RBL1: variants seen among roughly 807,000 people sequenced by gnomAD.
RBL1 encodes the protein retinoblastoma-like protein 1.
A neutral mutation model predicts 123.0 loss-of-function variants in RBL1; 82 were observed. The observed-to-expected ratio is 0.67, with a 90% CI of 0.56 to 0.80. The LOEUF (loss-of-function observed/expected upper bound fraction) is 0.80, where lower values mean the gene tolerates loss of function less well. Ranked by LOEUF, RBL1 falls within the 30% of genes least tolerant of loss-of-function variation. The pLI is 0.00. For synonymous variants in RBL1, 405 were observed against 441.3 expected, an observed-to-expected ratio of 0.92 and a Z score of 1.03; for missense variants, 1,171 against 1,299.6, an observed-to-expected ratio of 0.90 and a Z score of 1.52.
intron 14 of RBL1, among the ~76,000 whole-genome samples, chr20:37,038,548 C>T (rs1285996790): frequency 6.6e-6 from 1 of 150,472 alleles, no homozygotes; most frequent in Non-Finnish European, 1.5e-5. Context: ...ATTGACCTGC[C>T]TCAGCCTCCC....
chr20:37,055,478 A>C, intron 11 of RBL1, 75 bp downstream of exon 11: 1 of 1,605,410 alleles, frequency 6.2e-7, no homozygotes, highest in East Asian at 2.2e-5. Flanking sequence ...ACAACGCCTT[A>C]CAGAGCCTCT....
At chr20:37,004,765 C>G in intron 20 of RBL1, among the ~76,000 whole-genome samples, 1 of 148,984 alleles carries the variant, frequency 6.7e-6, no homozygotes, top group South Asian at 2.1e-4. Context: ...CAGTGGCTCA[C>G]TCCTATAATC....
intron 15 of RBL1, 147 bp from the exon 16 acceptor site, chr20:37,033,023 T>C: frequency 8.3e-7 from 1 of 1,210,518 alleles, no homozygotes; most frequent in South Asian, 1.8e-5. Flanking sequence ...GAATTCTTTT[T>C]TTTTTTTTTT....
At chr20:37,032,026 G>A (rs138711061) in intron 16 of RBL1, among the ~76,000 whole-genome samples, 36 of 151,704 alleles carry the variant, frequency 2.4e-4, no homozygotes, top group African/African-American at 8.2e-4. Context: ...GGGTTTACAG[G>A]CATGAGCAAC....
intron 19 of RBL1, among the ~76,000 whole-genome samples, chr20:37,017,022 G>A (rs753159543): frequency 1.8e-4 from 28 of 151,924 alleles, no homozygotes; most frequent in Non-Finnish European, 2.9e-4. Flanking sequence ...GACGAGACAA[G>A]ACGAGACAAG....
At chr20:37,009,936 G>T (rs2064126096) in intron 19 of RBL1, among the ~76,000 whole-genome samples, 1 of 151,992 alleles carries the variant, frequency 6.6e-6, no homozygotes, top group East Asian at 1.9e-4. Context: ...GAGATGACAG[G>T]ATCGCTTGAA....
At chr20:37,083,620 A>C (rs2065490680) in intron 2 of RBL1, among the ~76,000 whole-genome samples, 1 of 134,856 alleles carries the variant, frequency 7.4e-6, no homozygotes, top group South Asian at 2.5e-4. Flanking sequence ...CCCCGTCTCT[A>C]CTAAAAATAC....
intron 1 of RBL1, among the ~76,000 whole-genome samples, chr20:37,092,395 T>C (rs1302231514): frequency 6.6e-6 from 1 of 151,940 alleles, no homozygotes; most frequent in African/African-American, 2.4e-5. Flanking sequence ...TGGAGTGCAG[T>C]GGTACAATCA....
Position 36,998,788 on chromosome 20 carries a change from C to T in RBL1, c.3178G>A (p.Asp1060Asn). ...TGATTTGCTCTTTCACTGACAACATCCTGTAGTCGTTTCAGTAAAACGTCA... is the reference window on the plus strand; with the variant it reads ...TGATTTGCTCTTTCACTGACAACATTCTGTAGTCGTTTCAGTAAAACGTCA... The part of the protein sequence containing the change: ...NDDVLLKRLQ[D>N]VVSERANH Residue 1060 changes from aspartate (D) to asparagine (N), a missense_variant, in exon 22 of 22, where the codon GAT (aspartate) becomes AAT (asparagine). Physicochemically the swap from Asp to Asn is conservative, Grantham distance 23. Transcript: ENST00000373664. 6.2e-7 allele frequency: 1 copy of T among 1,613,176 alleles called. No homozygotes were observed. Among genetic ancestry groups the T allele is most frequent in the Non-Finnish European group, 8.5e-7 (1 of 1,179,656 alleles).
At chr20:37,023,649 T>G (rs773620386) in intron 16 of RBL1, among the ~76,000 whole-genome samples, 2 of 152,330 alleles carry the variant, frequency 1.3e-5, no homozygotes, top group East Asian at 1.9e-4. Context: ...AGTTGTTGTT[T>G]TTTTTAAAGC....
intron 12 of RBL1, among the ~76,000 whole-genome samples, chr20:37,046,668 T>C (rs190843372): frequency 1.0e-3 from 155 of 151,852 alleles, no homozygotes; most frequent in Middle Eastern, 3.4e-3. Flanking sequence ...AGTGTAATTG[T>C]ATGATCTCCG....
intron 2 of RBL1, among the ~76,000 whole-genome samples, chr20:37,071,217 A>G (rs1040813979): frequency 1.4e-4 from 22 of 152,154 alleles, no homozygotes; most frequent in African/African-American, 5.3e-4. Context: ...TATTTCATGT[A>G]GATTGGAAAG....
rs889019411 is a variant in RBL1, at chr20:37,052,063, C to T, written c.1467+3490G>A. The stretch of plus-strand genomic sequence containing the variant: ...GTTTTTTTTTTTTTAGATAGAGTCT[C>T]GCTCTGTTGCCCAGGCTGGAGTGCA... On this transcript the variant is annotated intron_variant, in intron 11 of 21. Transcript: ENST00000373664. Among the ~76,000 whole-genome samples the T allele has an allele frequency of 9.9e-5, 15 of 151,026 alleles. 1 individual carries two copies. The highest frequency in any genetic ancestry group is 4.0e-4 in the Admixed American group (6 of 15,136).
intron 14 of RBL1, among the ~76,000 whole-genome samples, chr20:37,038,691 C>T (rs977467281): frequency 2.0e-5 from 3 of 150,374 alleles, no homozygotes; most frequent in Non-Finnish European, 4.4e-5. Context: ...CAACCTCTGC[C>T]TCCCGGGTTC....
In RBL1 at chr20:37,045,352, C is replaced by T. The variant is rs190474695; in HGVS notation, c.1606-1102G>A. Among the ~76,000 whole-genome samples the T allele has an allele frequency of 3.8e-3, 584 of 152,122 alleles. 2 individuals carry two copies. Among genetic ancestry groups the T allele is most frequent in the Middle Eastern group, 0.014 (4 of 294 alleles). On this transcript the variant is annotated intron_variant, in intron 12 of 21. Transcript: ENST00000373664. ...CAATCTCCTGACCTCATGATCCGCC[C>T]GCCTTGGCCTCCCAAAGTGCTGGGA...
intron 2 of RBL1, among the ~76,000 whole-genome samples, chr20:37,080,287 G>C (rs527302739): frequency 6.6e-6 from 1 of 151,958 alleles, no homozygotes; most frequent in East Asian, 1.9e-4. Context: ...CTCCCAAGTA[G>C]CTGGGATTAC....
chr20:37,024,655 A>G (rs1167253219), intron 16 of RBL1, among the ~76,000 whole-genome samples: 1 of 151,368 alleles, frequency 6.6e-6, no homozygotes, highest in Non-Finnish European at 1.5e-5. Flanking sequence ...CTTCTAATCT[A>G]TGAGCAGGTT....
At chr20:37,067,191 T>TC in intron 4 of RBL1, 42 bp downstream of exon 4, 1 of 1,574,034 alleles carries the variant, frequency 6.4e-7, no homozygotes, top group Non-Finnish European at 8.6e-7. Context: ...AGCACCAAGT[T>TC]CCCAGAGTAG....
chr20:37,072,824 T>C (rs995708207), intron 2 of RBL1, among the ~76,000 whole-genome samples: 5 of 152,228 alleles, frequency 3.3e-5, no homozygotes, highest in Non-Finnish European at 7.3e-5. Flanking sequence ...GATTCTGTGA[T>C]ATGCTCTTTG....
Sources: gnomAD v4.1 joint callset for allele counts (sites outside exome capture counted in the v4.1 genomes callset) on GRCh38, gnomAD v4.1.1 for gene constraint, MANE v1.5 for transcripts, NCBI Gene and HGNC (gene_info 2026-07-23, HGNC 2026-07-21) for gene names.